The following EFCAB12 variants were observed in gnomAD, a reference collection of about 807,000 sequenced individuals.
EFCAB12 encodes EF-hand calcium binding domain 12, also known as EF-hand calcium-binding domain-containing protein 12.
Under a neutral mutation model 53.6 loss-of-function variants are expected in EFCAB12, and 43 were observed. That is an observed-to-expected ratio of 0.80 (90% CI 0.63 to 1.03). EFCAB12 has a LOEUF of 1.03. Ranked by LOEUF, EFCAB12 falls within the 50% of genes least tolerant of loss-of-function variation. The pLI, the probability that EFCAB12 is intolerant of heterozygous loss-of-function variation, is 0.00. For synonymous variants in EFCAB12, 269 were observed against 289.2 expected (o/e 0.93, Z 0.71); for missense variants, 646 against 730.6 (o/e 0.88, Z 1.34).
At chr3:129,426,577 G>T (rs2072275605) in intron 1 of EFCAB12, among the ~76,000 whole-genome samples, 1 of 151,724 alleles carries the variant, frequency 6.6e-6, no homozygotes. Flanking sequence ...TGTTAGCCAG[G>T]ATGGTCTCGA....
intron 7 of EFCAB12, 119 bp from the exon 8 acceptor site, chr3:129,402,698 G>A (rs2071889455): frequency 2.0e-6 from 2 of 983,346 alleles, no homozygotes; most frequent in South Asian, 3.4e-5. Flanking sequence ...CGAGAGCTCT[G>A]AAAGAAAAAT....
chr3:129,424,335 C>T (rs1265744768), intron 1 of EFCAB12, among the ~76,000 whole-genome samples: 2 of 152,200 alleles, frequency 1.3e-5, no homozygotes, highest in Non-Finnish European at 2.9e-5. Context: ...GAGGAGGGGT[C>T]TAGTGGGAGG....
At position 129,418,330 on chromosome 3, in the gene EFCAB12, A is replaced by G; in HGVS notation, c.605T>C (p.Leu202Pro). The G allele has an allele frequency of 6.2e-7, 1 of 1,613,848 alleles. No individual in the cohort carries two copies. Among genetic ancestry groups the G allele is most frequent in the Non-Finnish European group, 8.5e-7 (1 of 1,179,792 alleles). ...SYLHSRKIKILEIFHKVGQGE... is the reference protein window; with the variant it reads ...SYLHSRKIKIPEIFHKVGQGE... ...CTGGCCCACCTTGTGAAATATCTCCAGGATCTTGATCTTGCGGCTATGCAG... is the reference window on the plus strand; with the variant it reads ...CTGGCCCACCTTGTGAAATATCTCCGGGATCTTGATCTTGCGGCTATGCAG... Residue 202 changes from leucine (L) to proline (P), a missense_variant, in exon 3 of 9, where the codon CTG becomes CCG. Coordinates refer to ENST00000505956, the MANE Select transcript of EFCAB12 (RefSeq NM_207307.3).
At chr3:129,419,944 T>C (rs978358284) in intron 2 of EFCAB12, among the ~76,000 whole-genome samples, 1 of 152,220 alleles carries the variant, frequency 6.6e-6, no homozygotes, top group Admixed American at 6.5e-5. Context: ...TAAATGATCC[T>C]ATGAATTAGG....
At chr3:129,428,156 G>C (rs2072293884) in intron 1 of EFCAB12, among the ~76,000 whole-genome samples, 1 of 152,176 alleles carries the variant, frequency 6.6e-6, no homozygotes, top group Non-Finnish European at 1.5e-5. Flanking sequence ...CTTGAAGACT[G>C]ACGTCTTCTC....
intron 5 of EFCAB12, 30 bp from the exon 6 acceptor site, chr3:129,408,888 T>C (rs1577039748): frequency 6.5e-7 from 1 of 1,549,010 alleles, no homozygotes; most frequent in Non-Finnish European, 8.7e-7. Context: ...GGGCTCGCCC[T>C]TCTCTCGCCT....
At chr3:129,411,492 CCCACCTAAG>C (rs780031173) in intron 4 of EFCAB12, 138 bp from the exon 5 acceptor site, 1 of 801,896 alleles carries the variant, frequency 1.2e-6, no homozygotes, top group Non-Finnish European at 1.9e-6. Flanking sequence ...CTGGGCAGTG[CCCACCTAAG>C]CCACCTAAGC....
chr3:129,402,729 C>G, intron 7 of EFCAB12, 150 bp from the exon 8 acceptor site: 1 of 711,800 alleles, frequency 1.4e-6, no homozygotes, highest in Non-Finnish European at 2.3e-6. Context: ...TGGGGTGGAC[C>G]CTGACTCTGT....
At chr3:129,410,686 G>A (rs1007456169) in intron 5 of EFCAB12, among the ~76,000 whole-genome samples, 3 of 152,196 alleles carry the variant, frequency 2.0e-5, no homozygotes, top group African/African-American at 7.2e-5. Context: ...CAGACTGTCA[G>A]CTTCCTAGGG....
At chr3:129,403,476 T>G (rs1021449498) in intron 7 of EFCAB12, 1 of 152,292 alleles carries the variant, frequency 6.6e-6, no homozygotes, top group African/African-American at 2.4e-5. Flanking sequence ...TACAGGGCCC[T>G]GCTGTGTCCC....
chr3:129,415,189 C>A (rs2072098239), intron 4 of EFCAB12, 56 bp downstream of exon 4: 1 of 1,523,352 alleles, frequency 6.6e-7, no homozygotes, highest in Non-Finnish European at 8.8e-7. Context: ...GCTGCCTGCA[C>A]CATGCTTGCT....
At chr3:129,409,837 A>G (rs924119206) in intron 5 of EFCAB12, among the ~76,000 whole-genome samples, 1 of 152,214 alleles carries the variant, frequency 6.6e-6, no homozygotes, top group African/African-American at 2.4e-5. Flanking sequence ...TTACAGGGGA[A>G]CTTTGCTGGT....
chr3:129,428,176 C>T (rs765772644), intron 1 of EFCAB12, among the ~76,000 whole-genome samples: 1 of 152,340 alleles, frequency 6.6e-6, no homozygotes, highest in Non-Finnish European at 1.5e-5. Flanking sequence ...CCATGCCTCT[C>T]CTCCAGTACT....
chr3:129,420,205 A>G (rs1051117264), intron 2 of EFCAB12, among the ~76,000 whole-genome samples: 19 of 151,610 alleles, frequency 1.3e-4, no homozygotes, highest in African/African-American at 2.4e-5. Context: ...TGAGATTACA[A>G]TAATAATACA....
chr3:129,428,464 G>T lies in EFCAB12; in HGVS notation c.25C>A (p.His9Asn). 1 of 1,611,250 alleles carries T rather than the reference G, an allele frequency of 6.2e-7. No individual in the cohort carries two copies. Among genetic ancestry groups the T allele is most frequent in the Non-Finnish European group, 8.5e-7 (1 of 1,178,740 alleles). ...CCGAGCAGCGACAAGAACAGACTGT[G>T]GTACGCTTCATAGTCGTCGTCCATG... MDDDYEAY[H>N]SLFLSLLGLC... The change falls in exon 1 of 9, where the codon CAC becomes AAC. Residue 9 changes from histidine (H) to asparagine (N), a missense_variant. By Grantham distance (68) the His-to-Asn change is moderately conservative. Coordinates refer to ENST00000505956, the MANE Select transcript of EFCAB12 (RefSeq NM_207307.3).
chr3:129,425,548 G>A (rs1020632302), intron 1 of EFCAB12, among the ~76,000 whole-genome samples: 1 of 152,090 alleles, frequency 6.6e-6, no homozygotes. Context: ...TCCCCTGGCC[G>A]AGTCATTCTC....
rs775756375 is a variant in EFCAB12 at position 129,401,680 on chromosome 3, G to A, written c.1632C>T (p.Tyr544=). 6.9e-6 allele frequency: 11 copies of A among 1,590,130 alleles called. No homozygotes were observed. Among genetic ancestry groups the A allele is most frequent in the Non-Finnish European group, 9.4e-6 (11 of 1,168,314 alleles). The change falls in exon 9 of 9, where the codon TAC becomes TAT. Residue 544 remains tyrosine, a synonymous_variant. Transcript: ENST00000505956. ...QHQPHVYPAT[Y]HPDHWWPLRN... ...TAAGGGGCCACCAGTGGTCAGGGTG[G>A]TAGGTGGCTGGGTAGACATGGGGCT...
At chr3:129,425,546 C>T (rs1433380617) in intron 1 of EFCAB12, among the ~76,000 whole-genome samples, 1 of 152,156 alleles carries the variant, frequency 6.6e-6, no homozygotes, top group African/African-American at 2.4e-5. Context: ...CTTCCCCTGG[C>T]CGAGTCATTC....
At chr3:129,424,262 A>G (rs1013307540) in intron 1 of EFCAB12, among the ~76,000 whole-genome samples, 6 of 152,136 alleles carry the variant, frequency 3.9e-5, no homozygotes, top group African/African-American at 1.2e-4. Context: ...AGTAAACATC[A>G]TGGTATGGTT....
Sources: allele counts gnomAD v4.1 joint callset (sites outside exome capture counted in the v4.1 genomes callset), GRCh38; gene constraint gnomAD v4.1.1; transcripts MANE v1.5; gene names NCBI Gene and HGNC (gene_info 2026-07-23, HGNC 2026-07-21).